The following SLC24A2 variants were observed in gnomAD, a reference collection of about 807,000 sequenced individuals.
SLC24A2 encodes the protein sodium/potassium/calcium exchanger 2.
A neutral mutation model predicts 62.0 loss-of-function variants in SLC24A2; 36 were observed. The ratio of observed to expected loss-of-function variants is 0.58; its 90% confidence interval spans 0.44 to 0.77. The LOEUF (loss-of-function observed/expected upper bound fraction) is 0.77. Among genes scored for constraint, SLC24A2 ranks in the 30% least tolerant of loss-of-function variants. SLC24A2 has a pLI of 0.00. For synonymous variants in SLC24A2, 358 were observed against 294.0 expected, an observed-to-expected ratio of 1.22 and a Z score of -2.23; for missense variants, 846 against 817.9, an observed-to-expected ratio of 1.03 and a Z score of -0.42.
At chr9:19,711,189 CT>C (rs1301632662) in intron 2 of SLC24A2, among the ~76,000 whole-genome samples, 2 of 152,090 alleles carry the variant, frequency 1.3e-5, no homozygotes, top group Admixed American at 6.6e-5. Flanking sequence ...TGCTGTTTGC[CT>C]TTTTTGCTTT....
At chr9:19,526,282 T>C (rs546886294) in intron 9 of SLC24A2, among the ~76,000 whole-genome samples, 4 of 152,216 alleles carry the variant, frequency 2.6e-5, no homozygotes, top group Non-Finnish European at 4.4e-5. Flanking sequence ...TTTCACTTTT[T>C]GGTAATTATG....
chr9:19,531,223 A>ATGGAAAT (rs1833693897), intron 8 of SLC24A2, among the ~76,000 whole-genome samples: 1 of 152,160 alleles, frequency 6.6e-6, no homozygotes, highest in Non-Finnish European at 1.5e-5. Flanking sequence ...TTCACACCCC[A>ATGGAAAT]GGTAATCACT....
chr9:20,046,872 C>G, the SLC24A2 span, among the ~76,000 whole-genome samples: 1 of 152,200 alleles, frequency 6.6e-6, no homozygotes, highest in Non-Finnish European at 1.5e-5. Context: ...TAGTGATCCT[C>G]CAGGTACTGC....
chr9:20,227,375 G>C, the SLC24A2 span, among the ~76,000 whole-genome samples: 1 of 152,010 alleles, frequency 6.6e-6, no homozygotes. Flanking sequence ...ACACTTACTT[G>C]CATCATCTTT....
At chr9:19,625,617 A>G (rs980157580) in intron 2 of SLC24A2, among the ~76,000 whole-genome samples, 2 of 152,098 alleles carry the variant, frequency 1.3e-5, no homozygotes, top group African/African-American at 4.8e-5. Flanking sequence ...CTGCACTTAA[A>G]TTGAGCAACT....
chr9:20,097,296 T>C, the SLC24A2 span, among the ~76,000 whole-genome samples: 6 of 152,282 alleles, frequency 3.9e-5, no homozygotes, highest in African/African-American at 1.4e-4. Flanking sequence ...TATCTTGAGG[T>C]GAATTCTGAG....
intron 2 of SLC24A2, among the ~76,000 whole-genome samples, chr9:19,751,554 T>C (rs1052260757): frequency 3.9e-5 from 6 of 152,102 alleles, no homozygotes; most frequent in African/African-American, 1.4e-4. Flanking sequence ...TGATCTCAAG[T>C]TCCTAAGAAA....
the SLC24A2 span, among the ~76,000 whole-genome samples, chr9:20,073,395 G>C: frequency 6.6e-6 from 1 of 152,092 alleles, no homozygotes; most frequent in Admixed American, 6.6e-5. Flanking sequence ...AAGTCAACTG[G>C]TTTGGGACCA....
the SLC24A2 span, among the ~76,000 whole-genome samples, chr9:20,162,996 T>G: frequency 1.3e-5 from 2 of 152,210 alleles, no homozygotes; most frequent in South Asian, 4.1e-4. Flanking sequence ...TAATAAGAGC[T>G]ATCTATGACA....
the SLC24A2 span, among the ~76,000 whole-genome samples, chr9:20,264,748 G>A: frequency 3.3e-5 from 5 of 152,094 alleles, no homozygotes; most frequent in East Asian, 1.9e-4. Context: ...TTTTCCTGAC[G>A]CTAAACTTTT....
intron 5 of SLC24A2, among the ~76,000 whole-genome samples, chr9:19,594,038 T>G (rs1212624198): frequency 6.6e-6 from 1 of 152,000 alleles, no homozygotes; most frequent in Admixed American, 6.5e-5. Flanking sequence ...GCCTAGTAGT[T>G]CACCCTTCTT....
intron 2 of SLC24A2, among the ~76,000 whole-genome samples, chr9:19,633,501 G>A (rs1332778455): frequency 2.6e-5 from 4 of 152,166 alleles, no homozygotes; most frequent in Non-Finnish European, 4.4e-5. Flanking sequence ...TAAAGGTGCC[G>A]TGATATCTCA....
At chr9:20,135,010 G>A in the SLC24A2 span, among the ~76,000 whole-genome samples, 1 of 152,100 alleles carries the variant, frequency 6.6e-6, no homozygotes, top group African/African-American at 2.4e-5. Context: ...GTATAGTGCT[G>A]GTGGCAGGGT....
intron 2 of SLC24A2, among the ~76,000 whole-genome samples, chr9:19,647,823 C>T (rs1439297054): frequency 6.6e-6 from 1 of 152,202 alleles, no homozygotes; most frequent in African/African-American, 2.4e-5. Flanking sequence ...CTTGATTTCA[C>T]AAGCAGCACA....
chr9:20,105,682 G>T, the SLC24A2 span, among the ~76,000 whole-genome samples: 1 of 151,752 alleles, frequency 6.6e-6, no homozygotes, highest in Non-Finnish European at 1.5e-5. Flanking sequence ...CAGAATCTCC[G>T]GGACGCATTC....
At chr9:19,519,677 T>C (rs894760294) in intron 10 of SLC24A2, among the ~76,000 whole-genome samples, 3 of 152,166 alleles carry the variant, frequency 2.0e-5, no homozygotes, top group African/African-American at 7.2e-5. Flanking sequence ...AGCAGGCAGA[T>C]ATACCAGGAC....
rs534570810 is a variant in SLC24A2, at chr9:19,746,493, TA to T, written c.930+39443del. On this transcript the variant is annotated intron_variant, in intron 2 of 10. Coordinates refer to ENST00000341998, the MANE Select transcript of SLC24A2 (RefSeq NM_020344.4). ...GGTGACTAACTGTAATTGAATTCAA[TA>T]AAAAACTCCATTATCATAATAGTCT... 6.6e-5 allele frequency among the ~76,000 whole-genome samples: 10 copies of T among 152,216 alleles called. No individual in the cohort carries two copies. The South Asian group carries it at 1.4e-3, about 22-fold the overall frequency.
At chr9:19,825,836 A>T in the SLC24A2 span, among the ~76,000 whole-genome samples, 1 of 152,134 alleles carries the variant, frequency 6.6e-6, no homozygotes, top group African/African-American at 2.4e-5. Flanking sequence ...TACCAAAATC[A>T]ATTTTATCTT....
chr9:19,627,139 C>A (rs578138594), intron 2 of SLC24A2, among the ~76,000 whole-genome samples: 17 of 152,134 alleles, frequency 1.1e-4, no homozygotes, highest in Non-Finnish European at 1.9e-4. Context: ...CAATGAAGTG[C>A]TGAAGATGAC....
Sources: gnomAD v4.1 joint callset for allele counts (sites outside exome capture counted in the v4.1 genomes callset) on GRCh38, gnomAD v4.1.1 for gene constraint, MANE v1.5 for transcripts, NCBI Gene and HGNC (gene_info 2026-07-23, HGNC 2026-07-21) for gene names.